The following AGAP1 variants were observed in gnomAD, a reference collection of about 807,000 sequenced individuals.
AGAP1 encodes ArfGAP with GTPase domain, ankyrin repeat and PH domain 1, also known as arf-GAP with GTPase, ANK repeat and PH domain-containing protein 1.
A neutral mutation model predicts 105.3 loss-of-function variants in AGAP1; 29 were observed. The ratio of observed to expected loss-of-function variants is 0.28; its 90% CI spans 0.21 to 0.38. AGAP1 has a LOEUF of 0.38. AGAP1 is among the 10% of genes least tolerant of loss of function. The pLI, the probability that AGAP1 is intolerant of heterozygous loss-of-function variation, is 1.00. For missense variants in AGAP1, 998 were observed against 1,165.1 expected, an observed-to-expected ratio of 0.86 and a Z score of 2.09; for synonymous variants, 509 against 485.9, an observed-to-expected ratio of 1.05 and a Z score of -0.63.
intron 12 of AGAP1, among the ~76,000 whole-genome samples, chr2:235,945,469 G>T (rs1328981983): frequency 6.6e-6 from 1 of 152,104 alleles, no homozygotes; most frequent in Non-Finnish European, 1.5e-5. Flanking sequence ...GCAGGATGTT[G>T]GTATCTGTTG....
intron 1 of AGAP1, among the ~76,000 whole-genome samples, chr2:235,605,148 G>A (rs1006101676): frequency 6.6e-6 from 1 of 152,216 alleles, no homozygotes; most frequent in Non-Finnish European, 1.5e-5. Flanking sequence ...AAAGTGCTGG[G>A]ACTACAGGCA....
At chr2:235,498,555 G>C (rs781039488) in intron 1 of AGAP1, among the ~76,000 whole-genome samples, 1 of 152,224 alleles carries the variant, frequency 6.6e-6, no homozygotes, top group Non-Finnish European at 1.5e-5. Flanking sequence ...TCCATCGGGG[G>C]TTGATGGCAT....
intron 16 of AGAP1, among the ~76,000 whole-genome samples, chr2:236,091,346 G>A (rs969942966): frequency 6.6e-6 from 1 of 152,180 alleles, no homozygotes; most frequent in Non-Finnish European, 1.5e-5. Context: ...ATGGAATTTG[G>A]TTTTATCAAA....
At chr2:235,816,905 TACCAAG>T (rs1958492135) in intron 9 of AGAP1, among the ~76,000 whole-genome samples, 1 of 151,922 alleles carries the variant, frequency 6.6e-6, no homozygotes, top group South Asian at 2.1e-4. Context: ...AAAAGATATC[TACCAAG>T]ACCAAGACTC....
At chr2:235,605,709 T>G (rs1945908810) in intron 1 of AGAP1, among the ~76,000 whole-genome samples, 1 of 152,248 alleles carries the variant, frequency 6.6e-6, no homozygotes, top group Admixed American at 6.5e-5. Flanking sequence ...AGAGGCTGCT[T>G]TTGTAAAAAT....
In AGAP1 at chr2:235,707,416, C is replaced by T. The variant is rs573343169; in HGVS notation, c.164-1763C>T. ...TCACTCGGCATCGGGAGACCCTTGA[C>T]GCTGTCATTGCAGGGCCCGTGGCAT... On this transcript the variant is annotated intron_variant, in intron 1 of 17. Transcript: ENST00000304032. Among the ~76,000 whole-genome samples, 31 of 147,792 alleles carry T rather than the reference C, an allele frequency of 2.1e-4. 1 individual carries two copies. In the South Asian group the frequency reaches 2.6e-3, roughly 12 times the overall value.
intron 12 of AGAP1, among the ~76,000 whole-genome samples, chr2:235,944,317 C>T (rs2053396578): frequency 6.6e-6 from 1 of 152,178 alleles, no homozygotes; most frequent in Non-Finnish European, 1.5e-5. Flanking sequence ...TAGTAGGAGG[C>T]TTACTCTCTG....
chr2:235,723,308 T>C lies in AGAP1; in HGVS notation c.310+5664T>C, dbSNP rs1214548111. 1.3e-5 allele frequency among the ~76,000 whole-genome samples: 2 copies of C among 152,204 alleles called. No homozygotes were observed. Among genetic ancestry groups the C allele is most frequent in the Admixed American group, 1.3e-4 (2 of 15,278 alleles). ...TCGTGGTGTGTTTATGTGCTTAATA[T>C]TCAGCGTCCCCCAACACAGACCCCA... On this transcript the variant is annotated intron_variant, in intron 3 of 17. Coordinates refer to ENST00000304032, the MANE Select transcript of AGAP1 (RefSeq NM_001037131.3). The surrounding 1 kb of genome is among the most constrained non-coding windows in gnomAD (Gnocchi z 6.2).
chr2:236,017,863 A>G (rs781135214), intron 13 of AGAP1, among the ~76,000 whole-genome samples: 5 of 152,204 alleles, frequency 3.3e-5, no homozygotes, highest in African/African-American at 4.8e-5. Context: ...TGATAACTCA[A>G]GTGATTTTCT....
Position 235,552,268 on chromosome 2 carries a change from AAGAG to A in AGAP1, c.163+57425_163+57428del, listed in dbSNP as rs1281778201. ...GTTGAGAAATACAGTTTCTGCAGGA[AAGAG>A]AGAGACATTGGTGCCAAGAAATCCT... On this transcript the variant is annotated intron_variant, in intron 1 of 17. Transcript: ENST00000304032. The surrounding 1 kb of genome is among the most constrained non-coding windows in gnomAD (Gnocchi z 5.9). Among the ~76,000 whole-genome samples the A allele has an allele frequency of 3.3e-5, 5 of 152,240 alleles. No individual in the cohort carries two copies. Among genetic ancestry groups the A allele is most frequent in the African/African-American group, 1.2e-4 (5 of 41,472 alleles).
In AGAP1 at chr2:235,865,408, C is replaced by T. The variant is rs895403307; in HGVS notation, c.1051-17937C>T. 3.9e-5 allele frequency among the ~76,000 whole-genome samples: 6 copies of T among 152,164 alleles called. No individual in the cohort carries two copies. Among genetic ancestry groups the T allele is most frequent in the East Asian group, 1.9e-4 (1 of 5,194 alleles). ...GCACCCACAGTAACACGTGTGGCGC[C>T]GACCCCGCCGTGCGCAATCGGGGCT... is the stretch of plus-strand genomic sequence containing the variant. On this transcript the variant is annotated intron_variant, in intron 9 of 17. Coordinates refer to ENST00000304032, the MANE Select transcript of AGAP1 (RefSeq NM_001037131.3). The surrounding 1 kb of genome is among the most constrained non-coding windows in gnomAD (Gnocchi z 6.2).
At chr2:235,565,398 AG>A (rs1944316512) in intron 1 of AGAP1, among the ~76,000 whole-genome samples, 1 of 152,220 alleles carries the variant, frequency 6.6e-6, no homozygotes, top group South Asian at 2.1e-4. Context: ...ATAGGAATGA[AG>A]GGGGTACTTT....
chr2:236,099,765 C>T (rs576064607), intron 16 of AGAP1, among the ~76,000 whole-genome samples: 1 of 152,050 alleles, frequency 6.6e-6, no homozygotes, highest in African/African-American at 2.4e-5. Context: ...TGAGGCTGGG[C>T]GCAGTGGCTC....
intron 16 of AGAP1, among the ~76,000 whole-genome samples, chr2:236,054,798 C>T (rs1158630091): frequency 1.3e-5 from 2 of 152,156 alleles, no homozygotes; most frequent in African/African-American, 4.8e-5. Flanking sequence ...CGGAGGTTAT[C>T]TTACCTAGTT....
chr2:235,637,010 G>A (rs1334989478), intron 1 of AGAP1, among the ~76,000 whole-genome samples: 9 of 152,074 alleles, frequency 5.9e-5, no homozygotes, highest in African/African-American at 1.4e-4. Flanking sequence ...AAAGGAACCC[G>A]CCCTGCTGAC....
chr2:235,992,707 A>T lies in AGAP1; in HGVS notation c.1645+24084A>T, dbSNP rs2055622187. Among the ~76,000 whole-genome samples the T allele has an allele frequency of 6.6e-6, 1 of 152,194 alleles. No homozygotes were observed. The highest frequency in any genetic ancestry group is 2.4e-5 in the African/African-American group (1 of 41,450). ...TAAGGTGACTCTTCAACTCACCAAG[A>T]ATATCGTGGCCGCTGAGGTCCTGCA... On this transcript the variant is annotated intron_variant, in intron 13 of 17. Coordinates refer to ENST00000304032, the MANE Select transcript of AGAP1 (RefSeq NM_001037131.3). The surrounding 1 kb of genome is among the most constrained non-coding windows in gnomAD (Gnocchi z 4.8).
intron 6 of AGAP1, among the ~76,000 whole-genome samples, chr2:235,772,690 G>A (rs1225419046): frequency 6.6e-6 from 1 of 152,228 alleles, no homozygotes; most frequent in African/African-American, 2.4e-5. Context: ...GAAGGTGGGT[G>A]ACACTGAACA....
Position 236,123,994 on chromosome 2 carries a change from G to A in AGAP1, c.2446G>A (p.Glu816Lys). 2 of 1,614,080 alleles carry A rather than the reference G, an allele frequency of 1.2e-6. No homozygotes were observed. The highest frequency in any genetic ancestry group is 2.2e-5 in the South Asian group (2 of 91,074). ...LAYARQASSQ[E>K]CIDVLLQYGC... ...CTACGCCCGGCAGGCCTCCAGCCAG[G>A]AGTGCATCGACGTGCTGCTGCAGTA... The change falls in exon 18 of 18, where the codon GAG becomes AAG. Residue 816 changes from glutamate to lysine, a missense_variant. Around this residue, in one of 3 missense-constraint regions of AGAP1, gnomAD observed 235 missense variants for 270.7 expected, o/e 0.87. Transcript: ENST00000304032. The surrounding 1 kb of genome is among the most constrained non-coding windows in gnomAD (Gnocchi z 4.6).
intron 1 of AGAP1, among the ~76,000 whole-genome samples, chr2:235,541,649 A>G (rs2149095996): frequency 6.6e-6 from 1 of 151,314 alleles, no homozygotes; most frequent in South Asian, 2.1e-4. Context: ...TCCGCCTCCC[A>G]AAGTGCTGAG....
Sources: allele counts gnomAD v4.1 joint callset (sites outside exome capture counted in the v4.1 genomes callset), GRCh38; gene constraint gnomAD v4.1.1; regional missense constraint gnomAD v4.1.1; non-coding constraint Gnocchi (gnomAD v3.1); transcripts MANE v1.5; gene names NCBI Gene and HGNC (gene_info 2026-07-23, HGNC 2026-07-21).